The following PLA2G5 variants were observed in gnomAD, a reference collection of about 807,000 sequenced individuals.
PLA2G5 encodes phospholipase A2 group V.
Under a neutral mutation model 15.9 loss-of-function variants are expected in PLA2G5, and 12 were observed. The ratio of observed to expected loss-of-function variants is 0.76; its 90% CI spans 0.48 to 1.23. PLA2G5 has a LOEUF of 1.23. Among genes scored for constraint, PLA2G5 ranks in the 50% most tolerant of loss-of-function variants. The pLI, the probability that PLA2G5 is intolerant of heterozygous loss-of-function variation, is 0.00. For missense variants in PLA2G5, 169 were observed against 177.1 expected (o/e 0.95, Z 0.26); for synonymous variants, 71 against 71.4 (o/e 0.99, Z 0.03).
At position 20,090,570 on chromosome 1, in the gene PLA2G5, C is replaced by T. The variant is rs2016518632; in HGVS notation, c.295C>T (p.Pro99Ser). ...CTGCTCTTGGTGTCCTTTTGCAGAG[C>T]CCGGGCCCTTCTGCCATGTGAACCT... The part of the protein sequence containing the change: ...RFAWGVVTCE[P>S]GPFCHVNLCA... Residue 99 changes from proline (P) to serine (S), a missense_variant and splice_region_variant, in exon 5 of 5, where the codon CCC becomes TCC. Pro to Ser is a moderately conservative substitution (Grantham distance 74). Coordinates refer to ENST00000375108, the MANE Select transcript of PLA2G5 (RefSeq NM_000929.3). 1.2e-6 allele frequency: 2 copies of T among 1,614,084 alleles called. No individual in the cohort carries two copies. Among genetic ancestry groups the T allele is most frequent in the Non-Finnish European group, 1.7e-6 (2 of 1,179,942 alleles).
intron 4 of PLA2G5, 70 bp downstream of exon 4, chr1:20,089,965 C>G: frequency 9.3e-7 from 1 of 1,077,536 alleles, no homozygotes; most frequent in Non-Finnish European, 1.4e-6. Context: ...CCCTAGAGAA[C>G]AGCCAGCCTG....
rs1026370804 is a variant in PLA2G5 at position 20,070,309 on chromosome 1, G to A, written c.-167G>A. The A allele has an allele frequency of 1.0e-6, 1 of 985,456 alleles. No individual in the cohort carries two copies. The highest frequency in any genetic ancestry group is 1.7e-5 in the African/African-American group (1 of 57,358). The allele number at this position is 985,456 out of a possible 1,614,324, so 61.0% of individuals were successfully genotyped here. A position where few individuals can be genotyped will look rare whatever the true frequency, so the allele number is the denominator to read the frequency against. ...CCATTCACAGCTTTAAGATTCTGGA[G>A]GCCAAGAATTTGACTCCCCCCGGAT... On this transcript the variant is annotated 5_prime_UTR_variant, in exon 1 of 5. Coordinates refer to ENST00000375108, the MANE Select transcript of PLA2G5 (RefSeq NM_000929.3).
intron 1 of PLA2G5, among the ~76,000 whole-genome samples, chr1:20,043,904 G>C (rs570308566): frequency 6.6e-6 from 1 of 152,188 alleles, no homozygotes; most frequent in African/African-American, 2.4e-5. Flanking sequence ...CTAGGCATGC[G>C]TGATGGTCCA....
intron 1 of PLA2G5, among the ~76,000 whole-genome samples, chr1:20,056,223 C>T (rs2014425597): frequency 6.6e-6 from 1 of 152,076 alleles, no homozygotes; most frequent in Non-Finnish European, 1.5e-5. Flanking sequence ...CATCCTGCCC[C>T]ACTGCGGTAG....
intron 1 of PLA2G5, among the ~76,000 whole-genome samples, chr1:20,040,792 C>T (rs550923665): frequency 2.0e-5 from 3 of 152,274 alleles, no homozygotes; most frequent in Admixed American, 1.3e-4. Flanking sequence ...TCAGAGTCAC[C>T]CATCTGCTCA....
chr1:20,081,894 T>G (rs1183949939), intron 1 of PLA2G5, among the ~76,000 whole-genome samples: 1 of 151,444 alleles, frequency 6.6e-6, no homozygotes, highest in East Asian at 1.9e-4. Flanking sequence ...CTACTGAAAA[T>G]ACAAAAAATT....
At chr1:20,055,532 T>G (rs1212594371) in intron 1 of PLA2G5, among the ~76,000 whole-genome samples, 1 of 152,204 alleles carries the variant, frequency 6.6e-6, no homozygotes, top group Admixed American at 6.5e-5. Context: ...GATGTTTGGC[T>G]GCAGGACCAT....
At chr1:20,085,029 G>A (rs1464903905) in intron 2 of PLA2G5, among the ~76,000 whole-genome samples, 159 bp downstream of exon 2, 1 of 152,184 alleles carries the variant, frequency 6.6e-6, no homozygotes, top group African/African-American at 2.4e-5. Context: ...ATGCCTCCGA[G>A]CCTCTGCTTC....
At chr1:20,028,486 T>C (rs1366976386) in exon 1 of PLA2G5, 1 of 152,070 alleles carries the variant, frequency 6.6e-6, no homozygotes, top group Non-Finnish European at 1.5e-5. Flanking sequence ...TACTTTAATA[T>C]AAAAGGAAGA....
At chr1:20,085,652 T>C (rs2100620879) in intron 2 of PLA2G5, among the ~76,000 whole-genome samples, 1 of 152,364 alleles carries the variant, frequency 6.6e-6, no homozygotes. Context: ...CCTATCTGCC[T>C]GCTTCATGCA....
chr1:20,068,537 C>T (rs1188286560), upstream of PLA2G5, among the ~76,000 whole-genome samples: 5 of 151,266 alleles, frequency 3.3e-5, no homozygotes, highest in African/African-American at 4.9e-5. Context: ...CTGTAACCTC[C>T]GCCTCCTGGG....
intron 1 of PLA2G5, among the ~76,000 whole-genome samples, chr1:20,081,746 C>G (rs1331614753): frequency 6.6e-6 from 1 of 151,780 alleles, no homozygotes; most frequent in Non-Finnish European, 1.5e-5. Flanking sequence ...TCCATACAGG[C>G]CTCAGCATCC....
chr1:20,074,002 G>T (rs756499163), intron 1 of PLA2G5, among the ~76,000 whole-genome samples: 1 of 152,186 alleles, frequency 6.6e-6, no homozygotes, highest in Non-Finnish European at 1.5e-5. Flanking sequence ...CCATAAACAA[G>T]TAAGTAAAAG....
At position 20,086,188 on chromosome 1, in the gene PLA2G5, G is replaced by T. The variant is rs751551919; in HGVS notation, c.146G>T (p.Gly49Val). 6.2e-7 allele frequency: 1 copy of T among 1,614,170 alleles called. No individual in the cohort carries two copies. Among genetic ancestry groups the T allele is most frequent in the East Asian group, 2.2e-5 (1 of 44,878 alleles). ...TNYGFYGCYC[G>V]WGGRGTPKDG... ...TACGGCTTCTACGGCTGTTACTGCG[G>T]CTGGGGCGGCCGAGGAACCCCCAAG... Residue 49 changes from glycine (G) to valine (V), a missense_variant, in exon 3 of 5, where the codon GGC becomes GTC. Transcript: ENST00000375108.
rs2016524280 is a variant in PLA2G5 at position 20,090,652 on chromosome 1, A to G, written c.377A>G (p.Asn126Ser). The change falls in exon 5 of 5, where the codon AAC becomes AGC. Residue 126 changes from asparagine (N) to serine (S), a missense_variant. Asn to Ser is a conservative substitution (Grantham distance 46). Transcript: ENST00000375108. Reference protein sequence around the residue: ...YCLKRNLRSYNPQYQYFPNIL... With the variant: ...YCLKRNLRSYSPQYQYFPNIL... ...CTCAAGAGAAACCTACGGAGCTACA[A>G]CCCACAGTACCAATACTTTCCCAAC... is the stretch of plus-strand genomic sequence containing the variant. 3 of 1,613,730 alleles carry G rather than the reference A, an allele frequency of 1.9e-6. No homozygotes were observed. The highest frequency in any genetic ancestry group is 2.5e-6 in the Non-Finnish European group (3 of 1,179,890).
At chr1:20,070,673 G>T (rs1383932612) in intron 1 of PLA2G5, among the ~76,000 whole-genome samples, 3 of 152,324 alleles carry the variant, frequency 2.0e-5, no homozygotes, top group Admixed American at 1.3e-4. Context: ...TTTTAAGGAG[G>T]CCAGGCCACA....
intron 1 of PLA2G5, among the ~76,000 whole-genome samples, chr1:20,075,612 C>T (rs564659611): frequency 3.9e-5 from 6 of 152,286 alleles, no homozygotes; most frequent in Non-Finnish European, 8.8e-5. Flanking sequence ...AGCCTCAGTC[C>T]ATGGTGTGCA....
chr1:20,080,988 G>T (rs1277400844), intron 1 of PLA2G5, among the ~76,000 whole-genome samples: 1 of 151,862 alleles, frequency 6.6e-6, no homozygotes, highest in African/African-American at 2.4e-5. Context: ...GTGCAATGAG[G>T]CTCCGCACTG....
intron 1 of PLA2G5, among the ~76,000 whole-genome samples, chr1:20,032,873 A>C (rs1340511765): frequency 6.6e-6 from 1 of 152,166 alleles, no homozygotes; most frequent in Non-Finnish European, 1.5e-5. Flanking sequence ...AGAAGTTTTC[A>C]TTGGTTTTGG....
Sources: gnomAD v4.1 joint callset for allele counts (sites outside exome capture counted in the v4.1 genomes callset) on GRCh38, gnomAD v4.1.1 for gene constraint, MANE v1.5 for transcripts, NCBI Gene and HGNC (gene_info 2026-07-23, HGNC 2026-07-21) for gene names.